RMDN1: variants seen among roughly 807,000 people sequenced by gnomAD.
The protein encoded by RMDN1 is regulator of microtubule dynamics 1.
Under a neutral mutation model 48.9 loss-of-function variants are expected in RMDN1, and 48 were observed. That is an observed-to-expected ratio of 0.98 (90% CI 0.78 to 1.25). The LOEUF (loss-of-function observed/expected upper bound fraction) is 1.25, where lower values mean the gene tolerates loss of function less well. RMDN1 is among the 50% of genes most tolerant of loss of function. RMDN1 has a pLI of 0.00. For synonymous variants in RMDN1, 148 were observed against 132.6 expected (o/e 1.12, Z -0.80); for missense variants, 418 against 373.4 (o/e 1.12, Z -0.98).
chr8:86,470,718 AAACT>A (rs1342459863), downstream of RMDN1, among the ~76,000 whole-genome samples: 2 of 152,202 alleles, frequency 1.3e-5, no homozygotes, highest in East Asian at 1.9e-4. Flanking sequence ...AAAAAGAAAC[AAACT>A]ATTGATAGAA....
chr8:86,471,520 C>G (rs922478625), downstream of RMDN1, among the ~76,000 whole-genome samples: 12 of 152,106 alleles, frequency 7.9e-5, 1 homozygote, highest in East Asian at 1.4e-3. Flanking sequence ...AAACTCAGAA[C>G]TGGACAAACA....
rs1397945208 is a variant in RMDN1, at chr8:86,478,984, C to G, written c.668G>C (p.Trp223Ser). 1 of 1,613,708 alleles carries G rather than the reference C, an allele frequency of 6.2e-7. No homozygotes were observed. The highest frequency in any genetic ancestry group is 1.7e-4 in the Middle Eastern group (1 of 6,060). Residue 223 changes from tryptophan to serine, a missense_variant, in exon 7 of 10, where the codon TGG becomes TCG. By Grantham distance (177) the Trp-to-Ser change is radical (BLOSUM62 -3). Coordinates refer to ENST00000406452, the MANE Select transcript of RMDN1 (RefSeq NM_016033.3). ...CATTTTAGCAATTCTTCTTTGATAC[C>G]AAGGCATTTCGGCAAATGTATAGCA... Reference protein sequence around the residue: ...IWCYTFAEMPWYQRRIAKMLF... With the variant: ...IWCYTFAEMPSYQRRIAKMLF...
chr8:86,472,149 A>C (rs1812654447), downstream of RMDN1, among the ~76,000 whole-genome samples: 1 of 152,186 alleles, frequency 6.6e-6, no homozygotes, highest in Non-Finnish European at 1.5e-5. Flanking sequence ...TGATGCTTGC[A>C]ATCAGTTTCA....
chr8:86,498,219 G>C (rs1387353018), intron 2 of RMDN1, among the ~76,000 whole-genome samples: 1 of 151,566 alleles, frequency 6.6e-6, no homozygotes, highest in Non-Finnish European at 1.5e-5. Flanking sequence ...TGAAATCCTT[G>C]TAATAGTCCA....
intron 2 of RMDN1, chr8:86,504,407 T>G: frequency 1.3e-6 from 2 of 1,561,142 alleles, no homozygotes. Context: ...ATTTCCATTG[T>G]GCTCCAGCTC....
At chr8:86,504,497 T>C in intron 2 of RMDN1, 1 of 1,532,600 alleles carries the variant, frequency 6.5e-7, no homozygotes, top group South Asian at 1.1e-5. Flanking sequence ...CAAGAGCCCA[T>C]CTATGCCACC....
At chr8:86,503,374 A>AAC (rs1818652253) in intron 2 of RMDN1, among the ~76,000 whole-genome samples, 5 of 77,298 alleles carry the variant, frequency 6.5e-5, no homozygotes, top group African/African-American at 4.1e-4. Flanking sequence ...AACAAAACAA[A>AAC]AAAAAAAAAA....
intron 2 of RMDN1, among the ~76,000 whole-genome samples, chr8:86,490,966 T>G (rs1816386192): frequency 6.6e-6 from 1 of 151,774 alleles, no homozygotes; most frequent in African/African-American, 2.4e-5. Flanking sequence ...AAGACCAGCT[T>G]GGGCAAGATG....
At position 86,473,414 on chromosome 8, in the gene RMDN1, A is replaced by G; in HGVS notation, c.*894T>C. The G allele has an allele frequency of 1.0e-6, 1 of 985,416 alleles. No individual in the cohort carries two copies. The highest frequency in any genetic ancestry group is 1.7e-5 in the African/African-American group (1 of 57,362). The allele number at this position is 985,416 out of a possible 1,614,324, so 61.0% of individuals were successfully genotyped here. On this transcript the variant is annotated 3_prime_UTR_variant, in exon 10 of 10. Coordinates refer to ENST00000406452, the MANE Select transcript of RMDN1 (RefSeq NM_016033.3). ...AGTTTTGTGTTCCTTCCATTCCATT[A>G]GGGAATAGAACTTTGCATCTGATGA...
chr8:86,482,879 C>A, intron 5 of RMDN1: 1 of 1,137,966 alleles, frequency 8.8e-7, no homozygotes, highest in Non-Finnish European at 1.3e-6. Flanking sequence ...CCCTGGGGTC[C>A]CAGTTGTTGA....
chr8:86,473,515 C>T lies in RMDN1; in HGVS notation c.*793G>A. 2 of 972,872 alleles carry T rather than the reference C, an allele frequency of 2.1e-6. No individual in the cohort carries two copies. Among genetic ancestry groups the T allele is most frequent in the Non-Finnish European group, 2.4e-6 (2 of 818,578 alleles). 60.3% of individuals were successfully genotyped at this position (972,872 alleles called of 1,614,324 possible). ...GTGCGGTGGCTCACGCCTGTAATCC[C>T]AGCAATTTGGGAGGCCAAGGCGGGC... On this transcript the variant is annotated 3_prime_UTR_variant, in exon 10 of 10. Coordinates refer to ENST00000406452, the MANE Select transcript of RMDN1 (RefSeq NM_016033.3).
At chr8:86,504,113 T>C in intron 2 of RMDN1, 1 of 1,110,560 alleles carries the variant, frequency 9.0e-7, no homozygotes, top group Non-Finnish European at 1.4e-6. Flanking sequence ...TTCAAATTCA[T>C]CCTTGGGTCT....
intron 8 of RMDN1, among the ~76,000 whole-genome samples, chr8:86,475,911 C>T (rs1813288627): frequency 6.6e-6 from 1 of 152,106 alleles, no homozygotes; most frequent in Non-Finnish European, 1.5e-5. Flanking sequence ...AGCATTGTGC[C>T]AAGTAATGAG....
chr8:86,496,059 T>C (rs1423142755), intron 2 of RMDN1, among the ~76,000 whole-genome samples: 1 of 152,172 alleles, frequency 6.6e-6, no homozygotes, highest in Non-Finnish European at 1.5e-5. Context: ...AACTAAGTTT[T>C]ATAAGCAAAA....
intron 8 of RMDN1, among the ~76,000 whole-genome samples, chr8:86,476,593 T>C (rs1027025216): frequency 3.9e-5 from 6 of 152,246 alleles, no homozygotes; most frequent in African/African-American, 1.4e-4. Context: ...TAGTCATTTT[T>C]TCAAAACAAA....
intron 4 of RMDN1, among the ~76,000 whole-genome samples, chr8:86,486,259 C>T (rs1321039981): frequency 6.6e-6 from 1 of 151,822 alleles, no homozygotes; most frequent in East Asian, 1.9e-4. Context: ...GAAGTTAGAC[C>T]AAATGTTTAC....
chr8:86,481,543 G>A (rs1204718123), intron 5 of RMDN1, among the ~76,000 whole-genome samples: 1 of 147,572 alleles, frequency 6.8e-6, no homozygotes, highest in Non-Finnish European at 1.5e-5. Context: ...GGGGGGATCA[G>A]GGTTTAATTA....
intron 2 of RMDN1, among the ~76,000 whole-genome samples, chr8:86,502,974 T>C (rs1209329242): frequency 6.6e-6 from 1 of 152,156 alleles, no homozygotes; most frequent in African/African-American, 2.4e-5. Context: ...GGAAAAAATA[T>C]ATATACATGA....
In RMDN1 at chr8:86,488,567, G is replaced by T; in HGVS notation, c.320C>A (p.Thr107Asn). ...GETEKLYQLL[T>N]QYKESEDAEL... ...CATTGCTTACCTTTCCTTGTATTGG[G>T]TTAGCAACTGATAAAGTTTTTCTGT... The change falls in exon 3 of 10, where the codon ACC becomes AAC. Residue 107 changes from threonine to asparagine, a missense_variant. Physicochemically the swap from Thr to Asn is moderately conservative, Grantham distance 65 (BLOSUM62 0). Transcript: ENST00000406452. The T allele has an allele frequency of 6.2e-7, 1 of 1,608,660 alleles. No individual in the cohort carries two copies. The highest frequency in any genetic ancestry group is 1.1e-5 in the South Asian group (1 of 90,446).
Sources: allele counts gnomAD v4.1 joint callset (sites outside exome capture counted in the v4.1 genomes callset), GRCh38; gene constraint gnomAD v4.1.1; transcripts MANE v1.5; gene names NCBI Gene and HGNC (gene_info 2026-07-23, HGNC 2026-07-21).